PRKAG2: variants seen among roughly 807,000 people sequenced by gnomAD.
PRKAG2 encodes protein kinase AMP-activated non-catalytic subunit gamma 2, also known as 5'-AMP-activated protein kinase subunit gamma-2.
A neutral mutation model predicts 69.6 loss-of-function variants in PRKAG2; 26 were observed. The ratio of observed to expected loss-of-function variants is 0.37; its 90% CI spans 0.27 to 0.52. The LOEUF (loss-of-function observed/expected upper bound fraction) is 0.52, where lower values mean the gene tolerates loss of function less well. PRKAG2 is among the 20% of genes least tolerant of loss of function. The probability of loss-of-function intolerance (pLI) is 0.90; values close to 1 mark genes in which losing one functional copy is unlikely to be tolerated. For missense variants in PRKAG2, 557 were observed against 740.0 expected, an observed-to-expected ratio of 0.75 and a Z score of 2.87; for synonymous variants, 293 against 285.0, an observed-to-expected ratio of 1.03 and a Z score of -0.28.
chr7:151,857,184 A>G (rs2079803273), intron 1 of PRKAG2, among the ~76,000 whole-genome samples: 3 of 150,822 alleles, frequency 2.0e-5, no homozygotes, highest in Admixed American at 6.6e-5. Context: ...CAGAACGCGC[A>G]GCATCCTGCG....
At chr7:151,636,436 C>T (rs988265654) in intron 4 of PRKAG2, among the ~76,000 whole-genome samples, 2 of 152,144 alleles carry the variant, frequency 1.3e-5, no homozygotes, top group Non-Finnish European at 2.9e-5. Context: ...GACTAGCTTC[C>T]GCTTAATGTC....
At chr7:151,599,881 T>G (rs888018128) in intron 5 of PRKAG2, among the ~76,000 whole-genome samples, 3 of 152,196 alleles carry the variant, frequency 2.0e-5, no homozygotes, top group Non-Finnish European at 4.4e-5. Context: ...CCCTGCCTCT[T>G]GTATTAAACA....
intron 1 of PRKAG2, among the ~76,000 whole-genome samples, chr7:151,812,670 C>T (rs925219438): frequency 2.0e-4 from 30 of 152,148 alleles, no homozygotes; most frequent in Admixed American, 1.7e-3. Context: ...GTAACAAACA[C>T]GAAGACCAGG....
intron 1 of PRKAG2, among the ~76,000 whole-genome samples, chr7:151,854,774 G>A (rs1453561700): frequency 6.6e-6 from 1 of 152,120 alleles, no homozygotes; most frequent in Non-Finnish European, 1.5e-5. Context: ...TCACACAACG[G>A]CCTCAAGAAG....
intron 4 of PRKAG2, among the ~76,000 whole-genome samples, chr7:151,647,183 G>A (rs1172214530): frequency 2.6e-5 from 4 of 152,214 alleles, no homozygotes; most frequent in African/African-American, 9.6e-5. Flanking sequence ...AGAGAAGAAC[G>A]TGGGTCCTAG....
intron 3 of PRKAG2, among the ~76,000 whole-genome samples, chr7:151,772,992 A>G (rs544375305): frequency 7.1e-5 from 1 of 14,002 alleles, no homozygotes; most frequent in African/African-American, 2.2e-4. Flanking sequence ...AATGAAAGAA[A>G]GAAAGAAAGA....
chr7:151,662,136 G>A (rs1830407938), intron 4 of PRKAG2, among the ~76,000 whole-genome samples: 1 of 152,200 alleles, frequency 6.6e-6, no homozygotes, highest in African/African-American at 2.4e-5. Context: ...CCCCGCACCG[G>A]CTGTTACATA....
intron 8 of PRKAG2, among the ~76,000 whole-genome samples, chr7:151,573,175 T>G (rs994885760): frequency 3.3e-5 from 5 of 151,470 alleles, no homozygotes; most frequent in African/African-American, 1.2e-4. Flanking sequence ...TTTTTTTTTT[T>G]GAGACAAGGT....
chr7:151,822,540 C>T (rs1031180326), intron 1 of PRKAG2, among the ~76,000 whole-genome samples: 79 of 152,180 alleles, frequency 5.2e-4, no homozygotes, highest in African/African-American at 1.8e-3. Flanking sequence ...TGGGGCTGGG[C>T]TGCACAGCTG....
intron 1 of PRKAG2, among the ~76,000 whole-genome samples, chr7:151,821,469 T>C (rs1161411015): frequency 1.3e-5 from 2 of 152,210 alleles, no homozygotes; most frequent in Non-Finnish European, 2.9e-5. Flanking sequence ...GCTGAATGTC[T>C]GTGACCTAAA....
In PRKAG2 at chr7:151,559,450, A is replaced by G. The variant is rs1178767344; in HGVS notation, c.1678+1074T>C. The G allele has an allele frequency of 1.8e-5, 18 of 985,254 alleles. No individual in the cohort carries two copies. In the South Asian group the frequency reaches 5.6e-4, roughly 31 times the overall value. 61.0% of individuals were successfully genotyped at this position (985,254 alleles called of 1,614,324 possible). A position where few individuals can be genotyped will look rare whatever the true frequency, so the allele number is the denominator to read the frequency against. ...GCCCCATTTCTAGAGTTTCTGATTC[A>G]GTGGATATGGGACGGGGCCCCAACA... On this transcript the variant is annotated intron_variant, in intron 15 of 15. Transcript: ENST00000287878.
chr7:151,568,969 TTTAAA>T, intron 10 of PRKAG2, 127 bp from the exon 11 acceptor site: 1 of 1,151,944 alleles, frequency 8.7e-7, no homozygotes, highest in Non-Finnish European at 1.3e-6. Context: ...TTGGAAGAGT[TTTAAA>T]TTAGAGATCT....
At chr7:151,655,807 A>AATTACACAG (rs1264223833) in intron 4 of PRKAG2, among the ~76,000 whole-genome samples, 2 of 152,198 alleles carry the variant, frequency 1.3e-5, no homozygotes, top group Non-Finnish European at 2.9e-5. Flanking sequence ...TATGTGAGTT[A>AATTACACAG]ATTACACAGA....
intron 3 of PRKAG2, among the ~76,000 whole-genome samples, chr7:151,727,254 A>G (rs1798138849): frequency 6.6e-6 from 1 of 152,038 alleles, no homozygotes; most frequent in African/African-American, 2.4e-5. Flanking sequence ...CCGATACTCA[A>G]TGGTATTTGG....
intron 1 of PRKAG2, among the ~76,000 whole-genome samples, chr7:151,806,234 T>C (rs1272803914): frequency 6.6e-6 from 1 of 152,212 alleles, no homozygotes; most frequent in East Asian, 1.9e-4. Flanking sequence ...GAAAAATCCC[T>C]GTAAACTTCA....
At chr7:151,675,354 G>C in intron 4 of PRKAG2, 66 bp downstream of exon 4, 4 of 1,473,796 alleles carry the variant, frequency 2.7e-6, no homozygotes, top group Non-Finnish European at 3.8e-6. Context: ...CTCAGCTTGG[G>C]GCAATAACTG....
intron 3 of PRKAG2, among the ~76,000 whole-genome samples, chr7:151,689,075 C>T (rs1403081675): frequency 3.3e-5 from 5 of 152,238 alleles, no homozygotes; most frequent in Non-Finnish European, 5.9e-5. Flanking sequence ...AAGATCACGC[C>T]TCGCTGGGAC....
chr7:151,751,098 C>CT (rs11386133), intron 3 of PRKAG2, among the ~76,000 whole-genome samples: 15,917 of 130,778 alleles, frequency 0.12, 1,200 homozygotes, highest in Admixed American at 0.16. Context: ...TCAAAGATTC[C>CT]TTTTTTTTTT....
chr7:151,578,231 G>A (rs1809464462), intron 6 of PRKAG2, among the ~76,000 whole-genome samples: 1 of 152,310 alleles, frequency 6.6e-6, no homozygotes, highest in East Asian at 1.9e-4. Flanking sequence ...TGTAATCCCA[G>A]CTACTCAGGA....
Sources: allele counts gnomAD v4.1 joint callset (sites outside exome capture counted in the v4.1 genomes callset), GRCh38; gene constraint gnomAD v4.1.1; transcripts MANE v1.5; gene names NCBI Gene and HGNC (gene_info 2026-07-23, HGNC 2026-07-21).